The following ELOVL5 variants were observed in gnomAD, a reference collection of about 807,000 sequenced individuals.
ELOVL5 encodes the protein ELOVL fatty acid elongase 5.
In ELOVL5, 8 loss-of-function variants were observed where a neutral mutation model predicts 38.6. The ratio of observed to expected loss-of-function variants is 0.21; its 90% confidence interval spans 0.12 to 0.37. The LOEUF is 0.37. Among genes scored for constraint, ELOVL5 ranks in the 10% least tolerant of loss-of-function variants. The pLI, the probability that ELOVL5 is intolerant of heterozygous loss-of-function variation, is 1.00. For missense variants in ELOVL5, 280 were observed against 367.8 expected, an observed-to-expected ratio of 0.76 and a Z score of 1.95; for synonymous variants, 127 against 133.7, an observed-to-expected ratio of 0.95 and a Z score of 0.34.
intron 1 of ELOVL5, chr6:53,337,304 C>G (rs1032537190): frequency 4.6e-5 from 7 of 152,338 alleles, no homozygotes; most frequent in African/African-American, 1.7e-4. Context: ...AGCACCACAG[C>G]TATGGCCATC....
chr6:53,300,551 G>A (rs1228234377), intron 1 of ELOVL5, among the ~76,000 whole-genome samples: 5 of 152,226 alleles, frequency 3.3e-5, no homozygotes, highest in Admixed American at 3.3e-4. Flanking sequence ...GCCTGAGAAG[G>A]TGGCAACAGA....
intron 3 of ELOVL5, among the ~76,000 whole-genome samples, chr6:53,278,268 G>A (rs919862627): frequency 8.5e-5 from 13 of 152,290 alleles, no homozygotes; most frequent in African/African-American, 3.1e-4. Flanking sequence ...GTGTGCACTT[G>A]TGGAGGTGTG....
intron 1 of ELOVL5, among the ~76,000 whole-genome samples, chr6:53,298,903 G>C (rs996329320): frequency 8.7e-5 from 13 of 150,146 alleles, no homozygotes; most frequent in East Asian, 2.0e-4. Flanking sequence ...GGCAAGGCGG[G>C]GGGGGGGAGT....
At chr6:53,294,520 G>C (rs1351656764) in intron 2 of ELOVL5, 22 of 1,537,716 alleles carry the variant, frequency 1.4e-5, no homozygotes, top group Non-Finnish European at 1.8e-5. Context: ...AAAATGACAA[G>C]AACAAGGATC....
intron 1 of ELOVL5, among the ~76,000 whole-genome samples, chr6:53,336,135 C>T (rs547672336): frequency 7.2e-5 from 11 of 152,310 alleles, no homozygotes; most frequent in Non-Finnish European, 1.5e-4. Context: ...CCTGTTGATT[C>T]GAGTATATAC....
In ELOVL5 at chr6:53,295,025, T is replaced by G. The variant is rs567279108; in HGVS notation, c.58+617A>C. On this transcript the variant is annotated intron_variant, in intron 2 of 7. Coordinates refer to ENST00000304434, the MANE Select transcript of ELOVL5 (RefSeq NM_021814.5). ...TCTGCCATGTTAATAGACTAAGTCC[T>G]TTTGTTATTTCTTTTGTGTTTTAAA... 5.0e-4 allele frequency among the ~76,000 whole-genome samples: 76 copies of G among 152,360 alleles called. 1 individual carries two copies. The highest frequency in any genetic ancestry group is 1.7e-3 in the African/African-American group (70 of 41,592).
intron 1 of ELOVL5, among the ~76,000 whole-genome samples, chr6:53,313,748 CTG>C (rs1027655714): frequency 2.7e-5 from 4 of 149,232 alleles, no homozygotes; most frequent in African/African-American, 1.0e-4. Context: ...AACAAAAAAA[CTG>C]TGCTTTCTTC....
chr6:53,347,401 G>T (rs576200690), intron 1 of ELOVL5, among the ~76,000 whole-genome samples: 1 of 152,264 alleles, frequency 6.6e-6, no homozygotes, highest in Admixed American at 6.5e-5. Flanking sequence ...CAGATGGAAG[G>T]CTAAAATGTT....
intron 5 of ELOVL5, 33 bp downstream of exon 5, chr6:53,275,057 C>A (rs1472440841): frequency 2.5e-6 from 4 of 1,607,692 alleles, no homozygotes; most frequent in East Asian, 2.2e-5. Flanking sequence ...CCTGCTCACA[C>A]CTGTTCCCCA....
At chr6:53,308,944 A>C (rs923813951) in intron 1 of ELOVL5, among the ~76,000 whole-genome samples, 3 of 152,006 alleles carry the variant, frequency 2.0e-5, no homozygotes, top group Non-Finnish European at 4.4e-5. Context: ...GCTGAAATAA[A>C]ACCTCGTATC....
chr6:53,319,354 A>G (rs930940952), intron 1 of ELOVL5, among the ~76,000 whole-genome samples: 2 of 151,314 alleles, frequency 1.3e-5, no homozygotes, highest in Non-Finnish European at 2.9e-5. Flanking sequence ...CTGCATTTAG[A>G]GCTCATAAGA....
chr6:53,323,057 G>A (rs1768361110), intron 1 of ELOVL5, among the ~76,000 whole-genome samples: 1 of 152,150 alleles, frequency 6.6e-6, no homozygotes, highest in Non-Finnish European at 1.5e-5. Context: ...AGTAAGTTCA[G>A]TTACCGAGCC....
At chr6:53,318,047 G>A (rs1768131829) in intron 1 of ELOVL5, among the ~76,000 whole-genome samples, 2 of 152,226 alleles carry the variant, frequency 1.3e-5, no homozygotes, top group East Asian at 3.9e-4. Context: ...TCACAGATGA[G>A]TCCACCCAGG....
At chr6:53,272,450 A>G (rs1765961110) in intron 6 of ELOVL5, among the ~76,000 whole-genome samples, 1 of 152,188 alleles carries the variant, frequency 6.6e-6, no homozygotes, top group South Asian at 2.1e-4. Flanking sequence ...GGACAATAAT[A>G]TGAAATCAGG....
At chr6:53,300,352 G>A (rs1383128063) in intron 1 of ELOVL5, among the ~76,000 whole-genome samples, 1 of 152,138 alleles carries the variant, frequency 6.6e-6, no homozygotes, top group Admixed American at 6.5e-5. Flanking sequence ...CCTACCACAT[G>A]CTAGGCACGG....
intron 1 of ELOVL5, among the ~76,000 whole-genome samples, chr6:53,319,890 G>C (rs767245816): frequency 6.6e-6 from 1 of 152,014 alleles, no homozygotes; most frequent in Non-Finnish European, 1.5e-5. Context: ...TATTTTCAGA[G>C]TACTCTCATA....
At chr6:53,276,287 A>G (rs1440082211) in intron 3 of ELOVL5, 31 bp from the exon 4 acceptor site, 4 of 1,391,652 alleles carry the variant, frequency 2.9e-6, no homozygotes, top group Admixed American at 3.4e-5. Context: ...AGTCACCAAC[A>G]GCATCTGAGC....
chr6:53,271,540 C>T (rs958415464), intron 6 of ELOVL5, among the ~76,000 whole-genome samples: 6 of 152,136 alleles, frequency 3.9e-5, no homozygotes, highest in Non-Finnish European at 8.8e-5. Flanking sequence ...CAGAGCGAGA[C>T]TCCAGCTCAA....
intron 3 of ELOVL5, among the ~76,000 whole-genome samples, chr6:53,291,384 C>T (rs1426231618): frequency 1.3e-5 from 2 of 152,208 alleles, no homozygotes; most frequent in African/African-American, 4.8e-5. Flanking sequence ...CCTTCCTCCC[C>T]TACCTTCAAA....
Sources: gnomAD v4.1 joint callset for allele counts (sites outside exome capture counted in the v4.1 genomes callset) on GRCh38, gnomAD v4.1.1 for gene constraint, MANE v1.5 for transcripts, NCBI Gene and HGNC (gene_info 2026-07-23, HGNC 2026-07-21) for gene names.